ERBB2: variants seen among roughly 807,000 people sequenced by gnomAD.
ERBB2 encodes receptor tyrosine-protein kinase erbB-2.
A neutral mutation model predicts 149.0 loss-of-function variants in ERBB2; 61 were observed. The observed-to-expected ratio is 0.41, with a 90% confidence interval of 0.33 to 0.51. The LOEUF (loss-of-function observed/expected upper bound fraction) is 0.51. Among genes scored for constraint, ERBB2 ranks in the 20% least tolerant of loss-of-function variants. ERBB2 has a pLI of 0.25. For missense variants in ERBB2, 1,205 were observed against 1,655.1 expected, an observed-to-expected ratio of 0.73 and a Z score of 4.72; for synonymous variants, 633 against 678.8, an observed-to-expected ratio of 0.93 and a Z score of 1.05.
intron 1 of ERBB2, among the ~76,000 whole-genome samples, chr17:39,705,240 G>A (rs1035048682): frequency 6.6e-6 from 1 of 152,272 alleles, no homozygotes; most frequent in African/African-American, 2.4e-5. Context: ...GGCCACAGCT[G>A]GTATCCCTTG....
Position 39,710,399 on chromosome 17 carries a change from C to T in ERBB2, c.819C>T (p.Thr273=). The part of the protein sequence containing the change: ...ICELHCPALV[T]YNTDTFESMP... Reference sequence around the variant, plus strand: ...AGCTGCACTGCCCAGCCCTGGTCACCTACAACACAGACACGTTTGAGTCCA... The same window carrying T: ...AGCTGCACTGCCCAGCCCTGGTCACTTACAACACAGACACGTTTGAGTCCA... The change falls in exon 7 of 27, where the codon ACC becomes ACT. Residue 273 remains threonine (T), a synonymous_variant. Transcript: ENST00000269571. 6.2e-7 allele frequency: 1 copy of T among 1,614,200 alleles called. No homozygotes were observed. Among genetic ancestry groups the T allele is most frequent in the Non-Finnish European group, 8.5e-7 (1 of 1,180,046 alleles).
At position 39,725,230 on chromosome 17, in the gene ERBB2, G is replaced by A. The variant is rs1343008572; in HGVS notation, c.2649+26G>A. On this transcript the variant is annotated intron_variant, in intron 21 of 26. Transcript: ENST00000269571. This position sits in a 1 kb window ranked among gnomAD's most constrained non-coding sequence, Gnocchi z 4.6. Reference sequence around the variant, plus strand: ...GTTAGGTGAAGGACCAAGGAGCAGAGGAGGCTGGGTGGAGTGGTGTCTAGC... The same window carrying A: ...GTTAGGTGAAGGACCAAGGAGCAGAAGAGGCTGGGTGGAGTGGTGTCTAGC... 1 of 1,613,986 alleles carries A rather than the reference G, an allele frequency of 6.2e-7. No individual in the cohort carries two copies. The highest frequency in any genetic ancestry group is 8.5e-7 in the Non-Finnish European group (1 of 1,180,002).
At chr17:39,692,273 G>A (rs1407403863), upstream of ERBB2, among the ~76,000 whole-genome samples, 9 of 152,036 alleles carry the variant, frequency 5.9e-5, no homozygotes, top group African/African-American at 9.7e-5. Flanking sequence ...ATAAGGGTAC[G>A]TGTTATGCGC....
chr17:39,701,485 G>A (rs1483771357), intron 1 of ERBB2, among the ~76,000 whole-genome samples: 1 of 152,150 alleles, frequency 6.6e-6, no homozygotes, highest in Non-Finnish European at 1.5e-5. Flanking sequence ...TGGGCTGCAG[G>A]GGAGACAAAA....
chr17:39,708,900 C>T (rs2058627099), intron 3 of ERBB2, among the ~76,000 whole-genome samples: 2 of 152,098 alleles, frequency 1.3e-5, no homozygotes, highest in African/African-American at 4.8e-5. Context: ...CGCTGCAGTC[C>T]TGTCAGGAAA....
chr17:39,696,131 G>A (rs2057858140), upstream of ERBB2, among the ~76,000 whole-genome samples: 1 of 152,134 alleles, frequency 6.6e-6, no homozygotes, highest in Non-Finnish European at 1.5e-5. Context: ...CCTGCTGGAG[G>A]GACAGTTAAG....
chr17:39,727,164 T>A lies in ERBB2; in HGVS notation c.3160-131T>A. 1.6e-6 allele frequency: 2 copies of A among 1,285,460 alleles called. No individual in the cohort carries two copies. Among genetic ancestry groups the A allele is most frequent in the Non-Finnish European group, 2.2e-6 (2 of 916,388 alleles). 79.6% of individuals were successfully genotyped at this position (1,285,460 alleles called of 1,614,324 possible). ...TGCCTTCCAACCCCTGTGACCCCAT[T>A]CTCTCCACGGTGACTGTGTCATACC... On this transcript the variant is annotated intron_variant, in intron 25 of 26. Coordinates refer to ENST00000269571, the MANE Select transcript of ERBB2 (RefSeq NM_004448.4). The surrounding 1 kb of genome is among the most constrained non-coding windows in gnomAD (Gnocchi z 4.3).
rs2145862388 is a variant in ERBB2 at position 39,725,059 on chromosome 17, A to G, written c.2504A>G (p.Tyr835Cys). The G allele has an allele frequency of 6.2e-7, 1 of 1,614,110 alleles. No homozygotes were observed. The highest frequency in any genetic ancestry group is 8.5e-7 in the Non-Finnish European group (1 of 1,180,010). ...WCMQIAKGMS[Y>C]LEDVRLVHRD... Reference sequence around the variant, plus strand: ...TGCTTCCCATTCCAGGGGATGAGCTACCTGGAGGATGTGCGGCTCGTACAC... The same window carrying G: ...TGCTTCCCATTCCAGGGGATGAGCTGCCTGGAGGATGTGCGGCTCGTACAC... Residue 835 changes from tyrosine to cysteine, a missense_variant, in exon 21 of 27, where the codon TAC becomes TGC. Coordinates refer to ENST00000269571, the MANE Select transcript of ERBB2 (RefSeq NM_004448.4). This position sits in a 1 kb window ranked among gnomAD's most constrained non-coding sequence, Gnocchi z 4.6.
chr17:39,708,669 G>A (rs1281514143), intron 3 of ERBB2, 135 bp downstream of exon 3: 5 of 655,614 alleles, frequency 7.6e-6, no homozygotes, highest in Middle Eastern at 3.1e-4. Context: ...CCGGGAAGAC[G>A]CCCTCAGAAG....
At position 39,725,471 on chromosome 17, in the gene ERBB2, T is replaced by C; in HGVS notation, c.2725+69T>C. On this transcript the variant is annotated intron_variant, in intron 22 of 26. Transcript: ENST00000269571. This position sits in a 1 kb window ranked among gnomAD's most constrained non-coding sequence, Gnocchi z 4.6. ...GCTGGAGGGAGGATGAGAGCTGGGA[T>C]GGGGAGAATTACGGGGCCACCTCAG... The C allele has an allele frequency of 2.0e-6, 3 of 1,509,922 alleles. No homozygotes were observed. The highest frequency in any genetic ancestry group is 4.5e-5 in the East Asian group (2 of 44,176). The allele number at this position is 1,509,922 out of a possible 1,614,324, so 93.5% of individuals were successfully genotyped here. A position where few individuals can be genotyped will look rare whatever the true frequency, so the allele number is the denominator to read the frequency against.
At position 39,716,337 on chromosome 17, in the gene ERBB2, G is replaced by A. The variant is rs759579850; in HGVS notation, c.1550G>A (p.Arg517Gln). Residue 517 changes from arginine to glutamine, a missense_variant, in exon 13 of 27, where the codon CGA becomes CAA. This residue lies in a region of ERBB2 where 569 missense variants were observed against 803.5 expected (regional missense o/e 0.71). Coordinates refer to ENST00000269571, the MANE Select transcript of ERBB2 (RefSeq NM_004448.4). Reference sequence around the variant, plus strand: ...CTGGCCTGCCACCAGCTGTGCGCCCGAGGGCACTGCTGGGGTCCAGGGCCC... The same window carrying A: ...CTGGCCTGCCACCAGCTGTGCGCCCAAGGGCACTGCTGGGGTCCAGGGCCC... ...EGLACHQLCA[R>Q]GHCWGPGPTQ... 77 of 1,605,920 alleles carry A rather than the reference G, an allele frequency of 4.8e-5. No homozygotes were observed. Among genetic ancestry groups the A allele is most frequent in the Non-Finnish European group, 6.0e-5 (71 of 1,177,180 alleles).
intron 16 of ERBB2, chr17:39,720,135 G>A: frequency 2.4e-6 from 1 of 422,412 alleles, no homozygotes; most frequent in South Asian, 2.5e-5. Context: ...GGGAGACTGA[G>A]AAGAGTACAG....
chr17:39,694,290 C>A (rs907851796), upstream of ERBB2, among the ~76,000 whole-genome samples: 3 of 36,404 alleles, frequency 8.2e-5, no homozygotes, highest in East Asian at 6.2e-4. Context: ...TATATATATA[C>A]ACATATATAT....
chr17:39,697,066 A>C (rs2057879382), upstream of ERBB2, among the ~76,000 whole-genome samples: 1 of 152,194 alleles, frequency 6.6e-6, no homozygotes, highest in Non-Finnish European at 1.5e-5. Flanking sequence ...GTAAGGGGTC[A>C]GTTTTGATAC....
intron 1 of ERBB2, among the ~76,000 whole-genome samples, chr17:39,704,281 G>C (rs2058285883): frequency 6.6e-6 from 1 of 152,144 alleles, no homozygotes; most frequent in Admixed American, 6.5e-5. Context: ...CTACCCCCCA[G>C]GAAATCAACG....
In ERBB2 at chr17:39,715,480, GCCTGA is replaced by G; in HGVS notation, c.1261_1265del (p.Asp421GlnfsTer49). 3 of 1,614,178 alleles carry G rather than the reference GCCTGA, an allele frequency of 1.9e-6. No individual in the cohort carries two copies. Among genetic ancestry groups the G allele is most frequent in the Non-Finnish European group, 2.5e-6 (3 of 1,180,038 alleles). On this transcript the variant is annotated frameshift_variant, in exon 11 of 27. Coordinates refer to ENST00000269571, the MANE Select transcript of ERBB2 (RefSeq NM_004448.4). LOFTEE classifies it high-confidence loss of function. ...ACATCTCAGCATGGCCGGACAGCCT[GCCTGA>G]CCTCAGCGTCTTCCAGAACCTGCAA...
intron 1 of ERBB2, among the ~76,000 whole-genome samples, chr17:39,705,576 T>A (rs1002196466): frequency 2.0e-5 from 3 of 152,050 alleles, no homozygotes; most frequent in Admixed American, 6.5e-5. Flanking sequence ...TCCTCCCTCT[T>A]TGTCCTTATC....
At chr17:39,690,999 G>A (rs1033688405), upstream of ERBB2, among the ~76,000 whole-genome samples, 1 of 149,310 alleles carries the variant, frequency 6.7e-6, no homozygotes, top group Admixed American at 6.7e-5. Context: ...TCGTGCCATT[G>A]CACTCCAGCC....
At chr17:39,690,365 C>T (rs564712668), upstream of ERBB2, among the ~76,000 whole-genome samples, 7 of 152,210 alleles carry the variant, frequency 4.6e-5, no homozygotes, top group Admixed American at 6.5e-5. Context: ...GGATTACGGG[C>T]GTGAGCCATG....
Sources: gnomAD v4.1 joint callset for allele counts (sites outside exome capture counted in the v4.1 genomes callset) on GRCh38, gnomAD v4.1.1 for gene constraint, gnomAD v4.1.1 regional missense constraint, Gnocchi (gnomAD v3.1) non-coding constraint, MANE v1.5 for transcripts, NCBI Gene and HGNC (gene_info 2026-07-23, HGNC 2026-07-21) for gene names.